The following ERC2 variants were observed in gnomAD, a reference collection of about 807,000 sequenced individuals.
ERC2 encodes the protein ERC protein 2.
A neutral mutation model predicts 114.8 loss-of-function variants in ERC2; 42 were observed. The observed-to-expected ratio is 0.37, with a 90% CI of 0.29 to 0.47. The LOEUF (loss-of-function observed/expected upper bound fraction) is 0.47, where lower values mean the gene tolerates loss of function less well. ERC2 is among the 20% of genes least tolerant of loss of function. The pLI, the probability that ERC2 is intolerant of heterozygous loss-of-function variation, is 0.99. For synonymous variants in ERC2, 454 were observed against 425.5 expected (o/e 1.07, Z -0.82); for missense variants, 939 against 1,150.7 (o/e 0.82, Z 2.66).
At chr3:55,887,509 C>A (rs1576028551) in intron 14 of ERC2, among the ~76,000 whole-genome samples, 1 of 152,264 alleles carries the variant, frequency 6.6e-6, no homozygotes. Context: ...TTTCCCCTTA[C>A]TGTGGAGGGA....
chr3:55,552,254 G>C (rs936384534), intron 17 of ERC2, among the ~76,000 whole-genome samples: 1 of 152,132 alleles, frequency 6.6e-6, no homozygotes, highest in Non-Finnish European at 1.5e-5. Context: ...TTTATAACTT[G>C]ACCTTGGCCA....
chr3:56,241,960 T>C (rs1034417528), intron 3 of ERC2, among the ~76,000 whole-genome samples: 1 of 152,190 alleles, frequency 6.6e-6, no homozygotes, highest in Non-Finnish European at 1.5e-5. Context: ...AATGGCAGCA[T>C]TAAATAATTA....
At chr3:55,855,147 C>T (rs903647291) in intron 14 of ERC2, among the ~76,000 whole-genome samples, 3 of 152,162 alleles carry the variant, frequency 2.0e-5, no homozygotes, top group African/African-American at 7.2e-5. Flanking sequence ...CCATTTCCAC[C>T]TAGATTGCCA....
rs903244027 is a variant in ERC2, at chr3:55,571,783, T to C, written c.*40-60507A>G. The stretch of plus-strand genomic sequence containing the variant: ...TTTTCAGTGGCCTCACCAGACCTGA[T>C]TAAAAATAAAACCTACATTCTAAGA... On this transcript the variant is annotated intron_variant, in intron 17 of 17. Coordinates refer to ENST00000288221, the MANE Select transcript of ERC2 (RefSeq NM_015576.3). 3.3e-5 allele frequency among the ~76,000 whole-genome samples: 5 copies of C among 152,158 alleles called. No individual in the cohort carries two copies. The East Asian group carries it at 9.6e-4, about 29-fold the overall frequency.
intron 17 of ERC2, among the ~76,000 whole-genome samples, chr3:55,561,755 C>T (rs1420324347): frequency 6.6e-6 from 1 of 152,166 alleles, no homozygotes; most frequent in African/African-American, 2.4e-5. Flanking sequence ...AAGGTCTACT[C>T]TCAGTCCATG....
intron 17 of ERC2, among the ~76,000 whole-genome samples, chr3:55,582,565 A>C (rs2057315736): frequency 6.6e-6 from 1 of 152,248 alleles, no homozygotes; most frequent in African/African-American, 2.4e-5. Flanking sequence ...AATTTTGCAC[A>C]GCTAATTGAT....
chr3:56,205,524 A>C (rs1217551654), intron 3 of ERC2, among the ~76,000 whole-genome samples: 2 of 152,134 alleles, frequency 1.3e-5, no homozygotes, highest in Admixed American at 1.3e-4. Flanking sequence ...AACCCACATC[A>C]TTAGGGCCTA....
chr3:56,146,478 T>G (rs1489184050), intron 5 of ERC2, among the ~76,000 whole-genome samples: 1 of 152,212 alleles, frequency 6.6e-6, no homozygotes, highest in African/African-American at 2.4e-5. Context: ...CTGCATGACA[T>G]AAGAATTCAT....
intron 8 of ERC2, among the ~76,000 whole-genome samples, chr3:56,012,037 G>T (rs1314265218): frequency 6.6e-6 from 1 of 152,142 alleles, no homozygotes; most frequent in Non-Finnish European, 1.5e-5. Flanking sequence ...AGAGGAGGCA[G>T]AAATATAACA....
intron 3 of ERC2, among the ~76,000 whole-genome samples, chr3:56,264,727 A>T (rs1474606362): frequency 6.6e-6 from 1 of 152,078 alleles, no homozygotes; most frequent in African/African-American, 2.4e-5. Flanking sequence ...CCCATAAAAA[A>T]ACTGTTAAAA....
At chr3:55,908,848 A>G (rs1449127345) in intron 13 of ERC2, among the ~76,000 whole-genome samples, 1 of 152,202 alleles carries the variant, frequency 6.6e-6, no homozygotes, top group Admixed American at 6.5e-5. Context: ...GCCTGCCCCA[A>G]GGACCACCTT....
chr3:55,885,734 A>T, intron 14 of ERC2, among the ~76,000 whole-genome samples: 1 of 152,324 alleles, frequency 6.6e-6, no homozygotes, highest in Middle Eastern at 3.4e-3. Flanking sequence ...AACAGAGGAC[A>T]TATTTTCATT....
Position 55,600,288 on chromosome 3 carries a change from C to T in ERC2, c.*39+83506G>A, listed in dbSNP as rs150301306. Among the ~76,000 whole-genome samples the T allele has an allele frequency of 3.4e-4, 52 of 152,222 alleles. 1 individual carries two copies. The East Asian group carries it at 9.5e-3, about 28-fold the overall frequency. The stretch of plus-strand genomic sequence containing the variant: ...ACACATATATGGCAGGTTAAAAGGG[C>T]TTACCAGAAAAATGTAAAAGAGGTA... On this transcript the variant is annotated intron_variant, in intron 17 of 17. Transcript: ENST00000288221.
At chr3:56,134,794 A>G (rs1399410730) in intron 6 of ERC2, among the ~76,000 whole-genome samples, 1 of 152,176 alleles carries the variant, frequency 6.6e-6, no homozygotes, top group African/African-American at 2.4e-5. Flanking sequence ...AGCATTATGT[A>G]CCACTGTCAT....
intron 6 of ERC2, among the ~76,000 whole-genome samples, chr3:56,114,674 C>T (rs981202600): frequency 6.6e-6 from 1 of 152,224 alleles, no homozygotes; most frequent in Non-Finnish European, 1.5e-5. Context: ...TCAGCATGTT[C>T]ACCAGCCTGA....
intron 3 of ERC2, among the ~76,000 whole-genome samples, chr3:56,178,291 A>G (rs971096260): frequency 6.6e-6 from 1 of 152,200 alleles, no homozygotes; most frequent in Non-Finnish European, 1.5e-5. Context: ...TAATTATTAC[A>G]TTTATCTGGC....
chr3:55,639,886 G>C (rs569607075), intron 17 of ERC2, among the ~76,000 whole-genome samples: 2 of 152,178 alleles, frequency 1.3e-5, no homozygotes, highest in South Asian at 2.1e-4. Context: ...GGAAGCAGAT[G>C]TTTTCACACT....
intron 3 of ERC2, among the ~76,000 whole-genome samples, chr3:56,226,905 C>A (rs1352594373): frequency 4.6e-5 from 7 of 152,172 alleles, no homozygotes; most frequent in Non-Finnish European, 8.8e-5. Flanking sequence ...CCCATGATTA[C>A]TCCAAAGACA....
intron 4 of ERC2, among the ~76,000 whole-genome samples, chr3:56,162,052 T>C (rs145809758): frequency 1.3e-5 from 2 of 152,160 alleles, no homozygotes; most frequent in Non-Finnish European, 2.9e-5. Flanking sequence ...TTTTGAGGTA[T>C]GTTGCTTCAA....
Sources: gnomAD v4.1 joint callset for allele counts (sites outside exome capture counted in the v4.1 genomes callset) on GRCh38, gnomAD v4.1.1 for gene constraint, MANE v1.5 for transcripts, NCBI Gene and HGNC (gene_info 2026-07-23, HGNC 2026-07-21) for gene names.